Variants in CS observed in about 807,000 individuals in gnomAD.
CS encodes the protein citrate synthase.
A neutral mutation model predicts 61.4 loss-of-function variants in CS; 13 were observed. The observed-to-expected ratio is 0.21, with a 90% CI of 0.14 to 0.34. The LOEUF (loss-of-function observed/expected upper bound fraction) is 0.34, where lower values mean the gene tolerates loss of function less well. CS is among the 10% of genes least tolerant of loss of function. The pLI, the probability that CS is intolerant of heterozygous loss-of-function variation, is 1.00. For synonymous variants in CS, 159 were observed against 215.2 expected (o/e 0.74, Z 2.29); for missense variants, 278 against 573.4 (o/e 0.48, Z 5.26).
intron 2 of CS, chr12:56,286,319 A>C: frequency 1.9e-6 from 1 of 529,874 alleles, no homozygotes. Flanking sequence ...AAAATGATTA[A>C]AATGGTAAAT....
chr12:56,293,679 A>G (rs1803592629), intron 1 of CS, among the ~76,000 whole-genome samples: 1 of 152,152 alleles, frequency 6.6e-6, no homozygotes, highest in African/African-American at 2.4e-5. Context: ...GCGCCATTGC[A>G]CTCCAGCCTG....
chr12:56,298,015 T>G (rs1258684983), intron 1 of CS, among the ~76,000 whole-genome samples: 1 of 152,102 alleles, frequency 6.6e-6, no homozygotes, highest in Non-Finnish European at 1.5e-5. Flanking sequence ...TTTTTCTCTT[T>G]GAAACGGAGT....
rs146737473 is a variant in CS at position 56,276,007 on chromosome 12, G to A, written c.777C>T (p.Leu259=). Residue 259 remains leucine, a synonymous_variant, in exon 7 of 11, where the codon CTC becomes CTT. Coordinates refer to ENST00000351328, the MANE Select transcript of CS (RefSeq NM_004077.3). ...HQFTELTRLY[L]TIHSDHEGGN... is the part of the protein sequence containing the mutation. ...TGGGTCTAGCTTACCTGTGGATGGT[G>A]AGGTACAGGCGCGTGAGCTCAGTGA... 2.5e-6 allele frequency: 4 copies of A among 1,614,154 alleles called. No homozygotes were observed. The Admixed American group carries it at 6.7e-5, about 27-fold the overall frequency.
intron 1 of CS, among the ~76,000 whole-genome samples, chr12:56,290,419 G>A (rs1263832377): frequency 6.6e-6 from 1 of 151,598 alleles, no homozygotes; most frequent in Non-Finnish European, 1.5e-5. Flanking sequence ...CACTATGTTG[G>A]CCAGACTGGT....
rs1204967478 is a variant in CS, at chr12:56,272,087, G to C, written c.*997C>G. The C allele has an allele frequency of 3.0e-6, 1 of 335,516 alleles. No homozygotes were observed. The highest frequency in any genetic ancestry group is 5.9e-6 in the Non-Finnish European group (1 of 170,404). The allele number at this position is 335,516 out of a possible 1,614,324, so 20.8% of individuals were successfully genotyped here. On this transcript the variant is annotated 3_prime_UTR_variant, in exon 11 of 11. Coordinates refer to ENST00000351328, the MANE Select transcript of CS (RefSeq NM_004077.3). ...CCTCAGCCCCAGTACCTGATAATCA[G>C]AGGAGACCATGTCCAATCTTGAATC...
At chr12:56,293,762 C>T (rs1036751272) in intron 1 of CS, among the ~76,000 whole-genome samples, 4 of 152,114 alleles carry the variant, frequency 2.6e-5, no homozygotes, top group African/African-American at 4.8e-5. Flanking sequence ...AAAAACCTTG[C>T]GGAAGAAGCT....
chr12:56,291,158 T>C, intron 1 of CS: 1 of 860,952 alleles, frequency 1.2e-6, no homozygotes, highest in South Asian at 1.5e-5. Context: ...AGAACAGTGC[T>C]TTGTGCATAG....
chr12:56,279,527 G>A (rs950149729), intron 6 of CS, among the ~76,000 whole-genome samples: 1 of 152,110 alleles, frequency 6.6e-6, no homozygotes, highest in Non-Finnish European at 1.5e-5. Context: ...AGCACTTTTG[G>A]AGGCTGAGGC....
chr12:56,297,029 T>C (rs183028752), intron 1 of CS, among the ~76,000 whole-genome samples: 5 of 152,358 alleles, frequency 3.3e-5, no homozygotes, highest in Admixed American at 3.3e-4. Context: ...AAGTCCAATG[T>C]AAAGAAACCA....
At chr12:56,275,326 G>C (rs1872599466) in intron 7 of CS, 195 bp from the exon 8 acceptor site, 2 of 611,370 alleles carry the variant, frequency 3.3e-6, no homozygotes, top group Non-Finnish European at 2.8e-6. Context: ...TATAATCCTA[G>C]CACTTTGGGA....
At chr12:56,289,603 C>T (rs1873051957) in intron 1 of CS, among the ~76,000 whole-genome samples, 1 of 152,050 alleles carries the variant, frequency 6.6e-6, no homozygotes. Context: ...GCCACCACGC[C>T]TGGCTAATTT....
At chr12:56,293,457 C>T (rs1249290265) in intron 1 of CS, among the ~76,000 whole-genome samples, 4 of 152,310 alleles carry the variant, frequency 2.6e-5, no homozygotes, top group South Asian at 4.1e-4. Flanking sequence ...TGGCTCACGC[C>T]TGTAATCCCA....
intron 3 of CS, among the ~76,000 whole-genome samples, chr12:56,284,897 CAAA>C (rs71081341): frequency 5.0e-5 from 5 of 99,894 alleles, no homozygotes; most frequent in Non-Finnish European, 6.3e-5. Context: ...GACTCCGTCC[CAAA>C]AAAAAAAAAA....
At chr12:56,286,501 G>C (rs1434000730) in intron 2 of CS, 94 bp downstream of exon 2, 4 of 955,342 alleles carry the variant, frequency 4.2e-6, no homozygotes, top group Non-Finnish European at 6.7e-6. Flanking sequence ...AAATACTCAG[G>C]ATAATAAGAG....
At position 56,285,285 on chromosome 12, in the gene CS, CTT is replaced by C. The variant is rs753060143; in HGVS notation, c.201+629_201+630del. ...TTTAAGTTGAGAAATCACTATCTTTCTTTTTGTTTGTTTTGGAGATAGGGTCT... is the reference window on the plus strand; with the variant it reads ...TTTAAGTTGAGAAATCACTATCTTTCTTTGTTTGTTTTGGAGATAGGGTCT... On this transcript the variant is annotated intron_variant, in intron 3 of 10. Transcript: ENST00000351328. 924 of 443,536 alleles carry C rather than the reference CTT, an allele frequency of 2.1e-3. 4 individuals carry two copies. The highest frequency in any genetic ancestry group is 2.6e-3 in the Non-Finnish European group (572 of 220,468). 27.5% of individuals were successfully genotyped at this position (443,536 alleles called of 1,614,324 possible). A position where few individuals can be genotyped will look rare whatever the true frequency, so the allele number is the denominator to read the frequency against.
chr12:56,299,977 G>A (rs1202901921), intron 1 of CS, 183 bp downstream of exon 1: 9 of 569,242 alleles, frequency 1.6e-5, no homozygotes, highest in Non-Finnish European at 2.7e-5. Context: ...ACCCCCAGGA[G>A]CCAGAAGGGA....
Position 56,274,766 on chromosome 12 carries a change from T to C in CS, c.1020+11A>G, listed in dbSNP as rs563849597. ...TGGTTTCTTTCCTAGTCGTTAAGCA[T>C]CTCTGCTTACCCGTCCTGAGTTGAG... On this transcript the variant is annotated intron_variant, in intron 9 of 10. Transcript: ENST00000351328. 1.3e-6 allele frequency: 2 copies of C among 1,533,194 alleles called. No individual in the cohort carries two copies. The highest frequency in any genetic ancestry group is 2.5e-5 in the South Asian group (2 of 79,802). The allele number at this position is 1,533,194 out of a possible 1,614,324, so 95.0% of individuals were successfully genotyped here.
At chr12:56,276,248 GAATTAGGC>G in intron 6 of CS, 53 bp from the exon 7 acceptor site, 2 of 1,556,450 alleles carry the variant, frequency 1.3e-6, no homozygotes, top group Non-Finnish European at 1.8e-6. Flanking sequence ...CAGCAAAGAA[GAATTAGGC>G]AGGGATATCG....
chr12:56,277,633 T>C (rs1872661450), intron 6 of CS, among the ~76,000 whole-genome samples: 1 of 148,124 alleles, frequency 6.8e-6, no homozygotes, highest in East Asian at 2.0e-4. Context: ...TTCCATTCTT[T>C]TTTTTTTTTT....
Sources: gnomAD v4.1 joint callset for allele counts (sites outside exome capture counted in the v4.1 genomes callset) on GRCh38, gnomAD v4.1.1 for gene constraint, MANE v1.5 for transcripts, NCBI Gene and HGNC (gene_info 2026-07-23, HGNC 2026-07-21) for gene names.